The following MDFIC variants were observed in gnomAD, a reference collection of about 807,000 sequenced individuals.
MDFIC encodes the protein myoD family inhibitor domain-containing protein.
A neutral mutation model predicts 23.2 loss-of-function variants in MDFIC; 17 were observed. The ratio of observed to expected loss-of-function variants is 0.73; its 90% CI spans 0.50 to 1.10. The LOEUF is 1.10. Ranked by LOEUF, MDFIC falls within the 50% of genes least tolerant of loss-of-function variation. The pLI is 0.00. For missense variants in MDFIC, 356 were observed against 316.6 expected, an observed-to-expected ratio of 1.12 and a Z score of -0.95; for synonymous variants, 120 against 115.2, an observed-to-expected ratio of 1.04 and a Z score of -0.27.
At chr7:114,933,570 A>G (rs1000237626) in intron 2 of MDFIC, among the ~76,000 whole-genome samples, 4 of 152,108 alleles carry the variant, frequency 2.6e-5, no homozygotes, top group African/African-American at 7.2e-5. Context: ...ATTCCTTTTT[A>G]TAATGGAGTT....
At chr7:114,951,041 C>T (rs1792758819) in intron 3 of MDFIC, among the ~76,000 whole-genome samples, 1 of 152,074 alleles carries the variant, frequency 6.6e-6, no homozygotes, top group African/African-American at 2.4e-5. Context: ...AAATCATTAG[C>T]CAGGCATGGT....
At chr7:115,009,820 A>G (rs1791645304) in intron 4 of MDFIC, among the ~76,000 whole-genome samples, 1 of 152,228 alleles carries the variant, frequency 6.6e-6, no homozygotes, top group Non-Finnish European at 1.5e-5. Context: ...CAAACATAGT[A>G]AAGATTTCCT....
rs1793394093 is a variant in MDFIC at position 114,980,219 on chromosome 7, G to A, written c.493+438G>A. 2.7e-5 allele frequency: 6 copies of A among 222,836 alleles called. No individual in the cohort carries two copies. In the Admixed American group the frequency reaches 3.2e-4, roughly 12 times the overall value. The allele number at this position is 222,836 out of a possible 1,614,324, so 13.8% of individuals were successfully genotyped here. On this transcript the variant is annotated intron_variant, in intron 4 of 4. Transcript: ENST00000393486. ...ATAGACAAAGCTAAAATGAGAGAAA[G>A]ATTAGGTAATTTTCATGCTCTTGCC... is the stretch of plus-strand genomic sequence containing the variant.
intron 4 of MDFIC, among the ~76,000 whole-genome samples, chr7:114,988,437 C>T (rs113945402): frequency 6.6e-6 from 1 of 152,144 alleles, no homozygotes; most frequent in South Asian, 2.1e-4. Context: ...GTAGGCACAG[C>T]AGCCAGGCTG....
intron 4 of MDFIC, chr7:115,014,639 C>G: frequency 1.3e-6 from 1 of 756,404 alleles, no homozygotes; most frequent in Non-Finnish European, 1.7e-6. Flanking sequence ...AAGGAACCCA[C>G]ACAAAACAAC....
At position 114,942,378 on chromosome 7, in the gene MDFIC, G is replaced by C; in HGVS notation, c.198G>C (p.Ser66=). 6.2e-7 allele frequency: 1 copy of C among 1,600,772 alleles called. No homozygotes were observed. Among genetic ancestry groups the C allele is most frequent in the Non-Finnish European group, 8.5e-7 (1 of 1,173,958 alleles). Residue 66 remains serine (S), a synonymous_variant, in exon 3 of 5, where the codon TCG becomes TCC. Transcript: ENST00000393486. ...MQDQSIWGNP[S]DGELIRTQPQ... is the part of the protein sequence containing the mutation. ...ACCAGTCCATTTGGGGAAATCCTTCGGATGGTGAACTCATTAGAAGTAAGT... is the reference window on the plus strand; with the variant it reads ...ACCAGTCCATTTGGGGAAATCCTTCCGATGGTGAACTCATTAGAAGTAAGT...
chr7:114,986,612 T>C (rs947016136), intron 4 of MDFIC, among the ~76,000 whole-genome samples: 4 of 152,328 alleles, frequency 2.6e-5, no homozygotes, highest in Non-Finnish European at 4.4e-5. Flanking sequence ...GACATGTCTG[T>C]ACACATGGTC....
At chr7:114,924,934 G>A (rs1336282127) in intron 2 of MDFIC, among the ~76,000 whole-genome samples, 2 of 152,088 alleles carry the variant, frequency 1.3e-5, no homozygotes, top group African/African-American at 2.4e-5. Flanking sequence ...AGCTTTGCTC[G>A]AAGGCCACTC....
intron 3 of MDFIC, among the ~76,000 whole-genome samples, chr7:114,972,905 G>A (rs1281706960): frequency 6.6e-6 from 1 of 152,064 alleles, no homozygotes; most frequent in Non-Finnish European, 1.5e-5. Flanking sequence ...ACCTGGCTCA[G>A]ATTGTCTACT....
Position 115,016,955 on chromosome 7 carries a change from C to G in MDFIC, c.*1020C>G, listed in dbSNP as rs1205859678. On this transcript the variant is annotated 3_prime_UTR_variant, in exon 5 of 5. Transcript: ENST00000393486. ...GTGAGGATTATAAGAGAAATAAACT[C>G]AAAATGCTGTTGGAATATGCAGAGA... is the stretch of plus-strand genomic sequence containing the variant. The G allele has an allele frequency of 6.6e-6, 1 of 152,158 alleles. No homozygotes were observed. 9.4% of individuals were successfully genotyped at this position (152,158 alleles called of 1,614,324 possible). A position where few individuals can be genotyped will look rare whatever the true frequency, so the allele number is the denominator to read the frequency against.
intron 4 of MDFIC, among the ~76,000 whole-genome samples, chr7:115,009,976 T>G (rs1202710216): frequency 6.6e-6 from 1 of 152,182 alleles, no homozygotes; most frequent in Non-Finnish European, 1.5e-5. Context: ...ACAGGCATCT[T>G]TCCCAGAACC....
intron 3 of MDFIC, among the ~76,000 whole-genome samples, chr7:114,974,359 G>A (rs11760763): frequency 0.026 from 3,881 of 151,910 alleles, 95 homozygotes; most frequent in South Asian, 0.11. Flanking sequence ...CCATGGAGTA[G>A]CAAAGTCCTG....
At chr7:114,974,073 A>G (rs1793259958) in intron 3 of MDFIC, among the ~76,000 whole-genome samples, 1 of 152,160 alleles carries the variant, frequency 6.6e-6, no homozygotes, top group African/African-American at 2.4e-5. Flanking sequence ...CAGTATTGGG[A>G]TATAGGGTCC....
chr7:114,949,037 T>A (rs1007317918), intron 3 of MDFIC, among the ~76,000 whole-genome samples: 2 of 152,204 alleles, frequency 1.3e-5, no homozygotes, highest in Non-Finnish European at 2.9e-5. Context: ...GATAAGAATA[T>A]TTTTAAAGTG....
chr7:114,970,687 G>A (rs769891245), intron 3 of MDFIC, among the ~76,000 whole-genome samples: 5 of 152,132 alleles, frequency 3.3e-5, no homozygotes, highest in Non-Finnish European at 7.4e-5. Flanking sequence ...GATGAGCCTG[G>A]AGTTTCAGTC....
intron 4 of MDFIC, among the ~76,000 whole-genome samples, chr7:114,992,572 T>A (rs374075061): frequency 1.3e-5 from 2 of 152,228 alleles, no homozygotes; most frequent in East Asian, 1.9e-4. Context: ...GCTGTTTAAT[T>A]TTTCAAAGGC....
chr7:114,962,721 G>A (rs749196731), intron 3 of MDFIC, among the ~76,000 whole-genome samples: 3 of 152,184 alleles, frequency 2.0e-5, no homozygotes, highest in Non-Finnish European at 4.4e-5. Context: ...TTTTAACCGA[G>A]TAAAGGAACC....
rs540747579 is a variant in MDFIC, at chr7:114,949,131, A to G, written c.217+6734A>G. On this transcript the variant is annotated intron_variant, in intron 3 of 4. Coordinates refer to ENST00000393486, the MANE Select transcript of MDFIC (RefSeq NM_001166345.3). ...TATCATTATTCTAATTTATTACTTT[A>G]CCTTTCACTTTTATTATATTCTATG... Among the ~76,000 whole-genome samples, 10 of 152,184 alleles carry G rather than the reference A, an allele frequency of 6.6e-5. No individual in the cohort carries two copies. The South Asian group carries it at 1.9e-3, about 28-fold the overall frequency.
chr7:114,957,430 T>C (rs1467611995), intron 3 of MDFIC, among the ~76,000 whole-genome samples: 2 of 152,178 alleles, frequency 1.3e-5, no homozygotes, highest in African/African-American at 4.8e-5. Context: ...CCTTAACTAT[T>C]ATAGCTAGAG....
Sources: gnomAD v4.1 joint callset for allele counts (sites outside exome capture counted in the v4.1 genomes callset) on GRCh38, gnomAD v4.1.1 for gene constraint, MANE v1.5 for transcripts, NCBI Gene and HGNC (gene_info 2026-07-23, HGNC 2026-07-21) for gene names.